The following CNTLN variants were observed in gnomAD, a reference collection of about 807,000 sequenced individuals.
The protein encoded by CNTLN is centlein, centrosomal protein.
CNTLN carries 212 observed loss-of-function variants against 180.0 expected under a neutral mutation model. The observed-to-expected ratio is 1.18, with a 90% CI of 1.05 to 1.32. CNTLN has a LOEUF of 1.32. CNTLN is among the 40% of genes most tolerant of loss of function. CNTLN has a pLI of 0.00. For synonymous variants in CNTLN, 722 were observed against 563.1 expected, an observed-to-expected ratio of 1.28 and a Z score of -3.99; for missense variants, 2,095 against 1,610.9, an observed-to-expected ratio of 1.30 and a Z score of -5.14.
chr9:17,173,497 G>C (rs1820536992), intron 2 of CNTLN, among the ~76,000 whole-genome samples: 1 of 152,150 alleles, frequency 6.6e-6, no homozygotes. Context: ...TATTGTAGAA[G>C]CGTGGACAGA....
chr9:17,240,273 C>G (rs10962928), intron 5 of CNTLN, among the ~76,000 whole-genome samples: 34,093 of 151,936 alleles, frequency 0.22, 5,155 homozygotes, highest in African/African-American at 0.43. Context: ...ATAATGTATA[C>G]ATACACAATT....
At chr9:17,473,754 AATT>A (rs1832168648) in intron 23 of CNTLN, among the ~76,000 whole-genome samples, 1 of 152,074 alleles carries the variant, frequency 6.6e-6, no homozygotes, top group Non-Finnish European at 1.5e-5. Flanking sequence ...AACCTTCTCC[AATT>A]AGGCTTTCAA....
At chr9:17,495,181 A>G (rs1833386531) in intron 25 of CNTLN, among the ~76,000 whole-genome samples, 1 of 151,880 alleles carries the variant, frequency 6.6e-6, no homozygotes, top group Non-Finnish European at 1.5e-5. Context: ...TGCCCAGTCT[A>G]CTATGCTACG....
At chr9:17,331,375 A>G (rs1405071504) in intron 9 of CNTLN, among the ~76,000 whole-genome samples, 1 of 151,352 alleles carries the variant, frequency 6.6e-6, no homozygotes, top group Non-Finnish European at 1.5e-5. Context: ...TTTTTTTAGT[A>G]TTCATTACAT....
At chr9:17,439,626 C>T (rs900416746) in intron 18 of CNTLN, among the ~76,000 whole-genome samples, 2 of 152,166 alleles carry the variant, frequency 1.3e-5, no homozygotes, top group South Asian at 2.1e-4. Context: ...CAGAGCTAAA[C>T]ATTTTATTTA....
At chr9:17,384,309 A>C (rs1439975000) in intron 13 of CNTLN, among the ~76,000 whole-genome samples, 3 of 150,306 alleles carry the variant, frequency 2.0e-5, no homozygotes, top group Admixed American at 6.6e-5. Flanking sequence ...AAAACTACTT[A>C]TCCTTCTGTT....
intron 6 of CNTLN, among the ~76,000 whole-genome samples, chr9:17,297,980 C>G (rs1818066948): frequency 6.6e-6 from 1 of 152,034 alleles, no homozygotes; most frequent in Non-Finnish European, 1.5e-5. Context: ...ATGTATCTGG[C>G]TTTGAAAGTC....
intron 19 of CNTLN, among the ~76,000 whole-genome samples, chr9:17,462,411 G>A (rs918968312): frequency 1.3e-5 from 2 of 151,696 alleles, no homozygotes; most frequent in Non-Finnish European, 3.0e-5. Flanking sequence ...TAAGGCCTGG[G>A]AACTGAAATT....
At chr9:17,369,881 G>C (rs762669003) in intron 13 of CNTLN, among the ~76,000 whole-genome samples, 2 of 151,838 alleles carry the variant, frequency 1.3e-5, no homozygotes, top group Non-Finnish European at 2.9e-5. Flanking sequence ...CAGCTACTTG[G>C]GAGGCTGAGT....
intron 5 of CNTLN, among the ~76,000 whole-genome samples, chr9:17,265,453 T>C (rs1461985366): frequency 6.6e-6 from 1 of 152,148 alleles, no homozygotes; most frequent in Non-Finnish European, 1.5e-5. Context: ...CAGTATTTTA[T>C]TGAGGATTTT....
chr9:17,401,047 G>A (rs1157710273), intron 15 of CNTLN, among the ~76,000 whole-genome samples: 2 of 152,034 alleles, frequency 1.3e-5, no homozygotes, highest in African/African-American at 4.8e-5. Context: ...TGATTCTTCT[G>A]TGTTCTCCAC....
intron 5 of CNTLN, among the ~76,000 whole-genome samples, chr9:17,239,186 C>A (rs897784775): frequency 1.9e-4 from 29 of 152,056 alleles, no homozygotes; most frequent in Non-Finnish European, 3.8e-4. Flanking sequence ...GCGCGTGCCA[C>A]CACATGCAGA....
intron 19 of CNTLN, 89 bp from the exon 20 acceptor site, chr9:17,462,827 G>A (rs529942218): frequency 2.8e-4 from 133 of 476,848 alleles, no homozygotes; most frequent in Middle Eastern, 1.7e-3. Context: ...TATTGTAGAG[G>A]TATTCTTCTT....
rs142960305 is a variant in CNTLN at position 17,283,663 on chromosome 9, T to C, written c.983+9797T>C. On this transcript the variant is annotated intron_variant, in intron 6 of 25. Transcript: ENST00000380647. ...ATAGAAGTGGTGAGAGACAGCATCCTTGTCTTGTGCCAGTTTTCAAGGGAA... is the reference window on the plus strand; with the variant it reads ...ATAGAAGTGGTGAGAGACAGCATCCCTGTCTTGTGCCAGTTTTCAAGGGAA... 0.019 allele frequency among the ~76,000 whole-genome samples: 2,827 copies of C among 152,250 alleles called. 178 individuals carry two copies. In the East Asian group the frequency reaches 0.25, roughly 13 times the overall value.
chr9:17,441,435 A>T (rs1399192456), intron 18 of CNTLN, among the ~76,000 whole-genome samples: 1 of 152,134 alleles, frequency 6.6e-6, no homozygotes, highest in African/African-American at 2.4e-5. Flanking sequence ...GTGAGAAGTA[A>T]ACGTATGAAT....
intron 5 of CNTLN, among the ~76,000 whole-genome samples, chr9:17,262,635 T>C (rs1827083113): frequency 6.6e-6 from 1 of 151,408 alleles, no homozygotes; most frequent in Admixed American, 6.6e-5. Flanking sequence ...ATTTCGGGGT[T>C]AACACCTAGT....
chr9:17,374,288 A>G (rs992030121), intron 13 of CNTLN, among the ~76,000 whole-genome samples: 5 of 152,256 alleles, frequency 3.3e-5, no homozygotes, highest in Non-Finnish European at 7.3e-5. Context: ...TAATAATCCA[A>G]TTAAAAAATG....
intron 2 of CNTLN, among the ~76,000 whole-genome samples, chr9:17,160,330 T>C (rs577863061): frequency 1.3e-5 from 2 of 152,312 alleles, no homozygotes; most frequent in Admixed American, 1.3e-4. Context: ...TCATGTCCTA[T>C]GGTGCCCTTC....
chr9:17,456,098 A>G (rs1485804223), intron 18 of CNTLN, among the ~76,000 whole-genome samples: 1 of 152,138 alleles, frequency 6.6e-6, no homozygotes, highest in Non-Finnish European at 1.5e-5. Flanking sequence ...GGCTGAAAGG[A>G]ATGAAAATGA....
Sources: allele counts gnomAD v4.1 joint callset (sites outside exome capture counted in the v4.1 genomes callset), GRCh38; gene constraint gnomAD v4.1.1; transcripts MANE v1.5; gene names NCBI Gene and HGNC (gene_info 2026-07-23, HGNC 2026-07-21).